Variants in RYR3 observed in about 807,000 individuals in gnomAD.
The protein encoded by RYR3 is brain ryanodine receptor-calcium release channel.
In RYR3, 207 loss-of-function variants were observed where a neutral mutation model predicts 584.3. That is an observed-to-expected ratio of 0.35 (90% CI 0.32 to 0.40). RYR3 has a LOEUF of 0.40. Ranked by LOEUF, RYR3 falls within the 10% of genes least tolerant of loss-of-function variation. RYR3 has a pLI of 1.00. For missense variants in RYR3, 5,616 were observed against 6,089.2 expected, an observed-to-expected ratio of 0.92 and a Z score of 2.59; for synonymous variants, 2,416 against 2,248.5, an observed-to-expected ratio of 1.07 and a Z score of -2.11.
intron 60 of RYR3, among the ~76,000 whole-genome samples, chr15:33,763,761 C>A (rs2072723062): frequency 6.6e-6 from 1 of 151,962 alleles, no homozygotes; most frequent in African/African-American, 2.4e-5. Context: ...GGCATGGTGG[C>A]ACACGCCTGT....
chr15:33,851,792 G>C (rs996826675), intron 94 of RYR3: 12 of 152,144 alleles, frequency 7.9e-5, no homozygotes. Context: ...CAGTGTGGCA[G>C]AGAGCGCATG....
chr15:33,840,578 T>C, intron 89 of RYR3: 1 of 549,646 alleles, frequency 1.8e-6, no homozygotes. Context: ...TAACACAAGT[T>C]TCCTCTTTGA....
intron 1 of RYR3, among the ~76,000 whole-genome samples, chr15:33,327,163 G>A (rs1031473905): frequency 4.6e-5 from 7 of 152,122 alleles, no homozygotes; most frequent in South Asian, 4.1e-4. Context: ...GATTAAAGGT[G>A]ACAGAAAAAA....
intron 60 of RYR3, 176 bp downstream of exon 60, chr15:33,757,772 C>A: frequency 1.5e-6 from 1 of 673,252 alleles, no homozygotes; most frequent in Non-Finnish European, 2.5e-6. Context: ...TTTCAGCAAC[C>A]AATTGAGGTA....
Position 33,493,483 on chromosome 15 carries a change from A to G in RYR3, c.172-10148A>G, listed in dbSNP as rs571994700. Among the ~76,000 whole-genome samples, 9 of 152,280 alleles carry G rather than the reference A, an allele frequency of 5.9e-5. No homozygotes were observed. In the South Asian group the frequency reaches 1.9e-3, roughly 32 times the overall value. On this transcript the variant is annotated intron_variant, in intron 2 of 103. Transcript: ENST00000634891. ...TAAGTGGTTGCTTATTTATGGCTGT[A>G]TATTTTTATGACCATATAAAGAGTC...
intron 16 of RYR3, 125 bp downstream of exon 16, chr15:33,586,241 C>A: frequency 1.5e-6 from 1 of 672,816 alleles, no homozygotes; most frequent in Non-Finnish European, 2.6e-6. Context: ...TCTTGGGAAA[C>A]TGGAAAAAAG....
At chr15:33,416,335 T>C (rs1406089926) in intron 1 of RYR3, among the ~76,000 whole-genome samples, 2 of 152,196 alleles carry the variant, frequency 1.3e-5, no homozygotes, top group African/African-American at 2.4e-5. Context: ...CAATAAGCAT[T>C]CTCTTTTCTC....
At chr15:33,723,010 G>A (rs2068065296) in intron 44 of RYR3, 115 bp downstream of exon 44, 1 of 937,354 alleles carries the variant, frequency 1.1e-6, no homozygotes. Flanking sequence ...AACAGTTACA[G>A]CTAAAACATT....
chr15:33,731,257 G>GTT lies in RYR3; in HGVS notation c.7204-208_7204-207dup, dbSNP rs34574020. Among the ~76,000 whole-genome samples, 59 of 147,634 alleles carry GTT rather than the reference G, an allele frequency of 4.0e-4. 1 individual carries two copies. The highest frequency in any genetic ancestry group is 6.4e-4 in the South Asian group (3 of 4,672). ...AGCCTTTGTTATGATTTTTTTGTGT[G>GTT]TTTTTTTTTTGTTCTTTCTTTTAAC... On this transcript the variant is annotated intron_variant, in intron 47 of 103. Transcript: ENST00000634891.
intron 1 of RYR3, among the ~76,000 whole-genome samples, chr15:33,467,754 T>A (rs1187413930): frequency 6.6e-6 from 1 of 152,242 alleles, no homozygotes; most frequent in Non-Finnish European, 1.5e-5. Context: ...TGATATACCT[T>A]GGATTTTCAT....
chr15:33,840,985 A>C (rs2078327473), intron 90 of RYR3, 102 bp downstream of exon 90: 1 of 1,023,004 alleles, frequency 9.8e-7, no homozygotes. Flanking sequence ...TGAGAGGCTG[A>C]GGCTGGAGGA....
chr15:33,839,175 G>A (rs186359951), intron 89 of RYR3, among the ~76,000 whole-genome samples: 17 of 152,242 alleles, frequency 1.1e-4, no homozygotes, highest in South Asian at 4.1e-4. Flanking sequence ...TTGGTTGGTC[G>A]TCTAGTTTAT....
At chr15:33,409,176 T>C (rs1337347564) in intron 1 of RYR3, among the ~76,000 whole-genome samples, 1 of 152,204 alleles carries the variant, frequency 6.6e-6, no homozygotes, top group Non-Finnish European at 1.5e-5. Context: ...TTACAACCTA[T>C]GTACTCGGAG....
At chr15:33,557,532 G>T (rs529724877) in intron 10 of RYR3, among the ~76,000 whole-genome samples, 1 of 152,026 alleles carries the variant, frequency 6.6e-6, no homozygotes, top group South Asian at 2.1e-4. Context: ...TTACAGGCAC[G>T]TACCAACGCA....
chr15:33,789,660 T>TATATATATATA (rs1567175274), intron 67 of RYR3, among the ~76,000 whole-genome samples: 4 of 8,340 alleles, frequency 4.8e-4, no homozygotes, highest in Non-Finnish European at 6.8e-4. Flanking sequence ...ATATATATAT[T>TATATATATATA]TTTTTTTTTT....
chr15:33,810,787 C>T lies in RYR3; in HGVS notation c.10197+138C>T, dbSNP rs1417076557. The stretch of plus-strand genomic sequence containing the variant: ...GAAACCAGTGTGTATGGAGGCAACA[C>T]GCCCTCATCTTTAAAACTGGTTTGG... On this transcript the variant is annotated intron_variant, in intron 71 of 103. Transcript: ENST00000634891. 1.6e-5 allele frequency: 18 copies of T among 1,138,406 alleles called. No individual in the cohort carries two copies. In the East Asian group the frequency reaches 2.8e-4, roughly 18 times the overall value. The allele number at this position is 1,138,406 out of a possible 1,614,324, so 70.5% of individuals were successfully genotyped here. A position where few individuals can be genotyped will look rare whatever the true frequency, so the allele number is the denominator to read the frequency against.
intron 65 of RYR3, among the ~76,000 whole-genome samples, chr15:33,781,513 G>T (rs2074377226): frequency 6.6e-6 from 1 of 152,130 alleles, no homozygotes; most frequent in African/African-American, 2.4e-5. Context: ...GCAAGAAAGG[G>T]CTCATGCCAC....
intron 1 of RYR3, among the ~76,000 whole-genome samples, chr15:33,371,290 A>G (rs1261222238): frequency 6.6e-6 from 1 of 152,206 alleles, no homozygotes; most frequent in Admixed American, 6.5e-5. Context: ...GAGCAGGTAG[A>G]AGGGAAAGCC....
rs2071802781 is a variant in RYR3, at chr15:33,756,202, G to A, written c.8516-104G>A. ...AAGATATATTTTGTGAAATCAGATA[G>A]CCTTTTTAAATAGCCTTTAGAAAAG... On this transcript the variant is annotated intron_variant, in intron 58 of 103. Coordinates refer to ENST00000634891, the MANE Select transcript of RYR3 (RefSeq NM_001036.6). 1.0e-5 allele frequency: 8 copies of A among 771,638 alleles called. No individual in the cohort carries two copies. The South Asian group carries it at 1.2e-4, about 11-fold the overall frequency. The allele number at this position is 771,638 out of a possible 1,614,324, so 47.8% of individuals were successfully genotyped here.
Sources: gnomAD v4.1 joint callset for allele counts (sites outside exome capture counted in the v4.1 genomes callset) on GRCh38, gnomAD v4.1.1 for gene constraint, MANE v1.5 for transcripts, NCBI Gene and HGNC (gene_info 2026-07-23, HGNC 2026-07-21) for gene names.